HMCN1: variants seen among roughly 807,000 people sequenced by gnomAD.
HMCN1 encodes the protein hemicentin 1, also known as hemicentin-1.
Under a neutral mutation model 625.9 loss-of-function variants are expected in HMCN1, and 321 were observed. That is an observed-to-expected ratio of 0.51 (90% CI 0.47 to 0.56). The LOEUF is 0.56. Among genes scored for constraint, HMCN1 ranks in the 20% least tolerant of loss-of-function variants. The pLI is 0.00. For synonymous variants in HMCN1, 2,425 were observed against 2,417.6 expected, an observed-to-expected ratio of 1.00 and a Z score of -0.09; for missense variants, 6,588 against 6,887.3, an observed-to-expected ratio of 0.96 and a Z score of 1.54.
chr1:186,146,022 G>T lies in HMCN1; in HGVS notation c.14608+99G>T, dbSNP rs547322297. On this transcript the variant is annotated intron_variant, in intron 93 of 106. Coordinates refer to ENST00000271588, the MANE Select transcript of HMCN1 (RefSeq NM_031935.3). ...CAAAACAATGCCAACCCTGAGAGGT[G>T]GAATTAGAAAAAAAAAAAAAAGTGC... 2.5e-6 allele frequency: 3 copies of T among 1,199,760 alleles called. No homozygotes were observed. The South Asian group carries it at 4.1e-5, about 16-fold the overall frequency. The allele number at this position is 1,199,760 out of a possible 1,614,324, so 74.3% of individuals were successfully genotyped here.
chr1:185,845,906 T>C, intron 1 of HMCN1, 120 bp from the exon 2 acceptor site: 1 of 695,784 alleles, frequency 1.4e-6, no homozygotes, highest in Non-Finnish European at 2.6e-6. Context: ...TTTGGTATTT[T>C]ACTATTTCTT....
intron 1 of HMCN1, among the ~76,000 whole-genome samples, chr1:185,826,297 T>G (rs1464788734): frequency 6.6e-6 from 1 of 152,234 alleles, no homozygotes; most frequent in Non-Finnish European, 1.5e-5. Context: ...TCACCTCATC[T>G]TCGCAGAAAT....
intron 48 of HMCN1, among the ~76,000 whole-genome samples, chr1:186,063,054 G>GCATATA (rs1657820929): frequency 9.6e-6 from 1 of 103,988 alleles, no homozygotes; most frequent in Non-Finnish European, 1.8e-5. Flanking sequence ...GTGTGTGTGT[G>GCATATA]TGTGTGTGTG....
Position 186,189,982 on chromosome 1 carries a change from T to A in HMCN1, c.*104T>A. On this transcript the variant is annotated 3_prime_UTR_variant, in exon 107 of 107. Coordinates refer to ENST00000271588, the MANE Select transcript of HMCN1 (RefSeq NM_031935.3). ...TTGAACAGTTGCAATCTTGGCAGCT[T>A]GAAAATGGTGCTACACTCTGTTTTG... 7.7e-7 allele frequency: 1 copy of A among 1,300,262 alleles called. No individual in the cohort carries two copies. Among genetic ancestry groups the A allele is most frequent in the South Asian group, 1.2e-5 (1 of 84,294 alleles). 80.5% of individuals were successfully genotyped at this position (1,300,262 alleles called of 1,614,324 possible).
chr1:185,902,244 T>A (rs1665842978), intron 4 of HMCN1, among the ~76,000 whole-genome samples: 1 of 151,516 alleles, frequency 6.6e-6, no homozygotes, highest in Non-Finnish European at 1.5e-5. Context: ...TATATAAATT[T>A]TTTTTTTGTT....
intron 106 of HMCN1, among the ~76,000 whole-genome samples, chr1:186,188,349 G>A (rs531228836): frequency 6.6e-6 from 1 of 152,116 alleles, no homozygotes; most frequent in African/African-American, 2.4e-5. Context: ...CTGTTGTGTT[G>A]CCTCAGGGTG....
In HMCN1 at chr1:185,990,589, G is replaced by A. The variant is rs144189570; in HGVS notation, c.3377+146G>A. On this transcript the variant is annotated intron_variant, in intron 22 of 106. Transcript: ENST00000271588. ...ACATGTACATCTGAGTCTACAGGAA[G>A]TATTTATAACACTGAATCATGCTTC... The A allele has an allele frequency of 4.0e-5, 29 of 721,646 alleles. No individual in the cohort carries two copies. The African/African-American group carries it at 4.3e-4, about 11-fold the overall frequency. The allele number at this position is 721,646 out of a possible 1,614,324, so 44.7% of individuals were successfully genotyped here.
At chr1:186,072,688 A>G (rs1442134251) in intron 52 of HMCN1, among the ~76,000 whole-genome samples, 1 of 152,180 alleles carries the variant, frequency 6.6e-6, no homozygotes, top group Non-Finnish European at 1.5e-5. Flanking sequence ...AAGCAGACAT[A>G]AAATAATAGA....
intron 1 of HMCN1, among the ~76,000 whole-genome samples, chr1:185,790,532 G>T (rs148681775): frequency 1.3e-3 from 192 of 152,318 alleles, no homozygotes; most frequent in African/African-American, 4.4e-3. Context: ...TTGTTTAACT[G>T]CTGGGCCTCC....
chr1:186,080,293 A>C (rs560903463), intron 55 of HMCN1, among the ~76,000 whole-genome samples: 1 of 152,312 alleles, frequency 6.6e-6, no homozygotes, highest in Non-Finnish European at 1.5e-5. Context: ...TAGCATCTAC[A>C]TCAACTTGCA....
chr1:185,783,129 T>G (rs566457921), intron 1 of HMCN1, among the ~76,000 whole-genome samples: 1 of 152,368 alleles, frequency 6.6e-6, no homozygotes, highest in South Asian at 2.1e-4. Context: ...TTTTTCCAGT[T>G]CATCGAATCG....
In HMCN1 at chr1:186,115,913, C is replaced by G. The variant is rs1305024122; in HGVS notation, c.11561+499C>G. 3.3e-5 allele frequency among the ~76,000 whole-genome samples: 5 copies of G among 150,384 alleles called. No homozygotes were observed. The South Asian group carries it at 1.0e-3, about 32-fold the overall frequency. On this transcript the variant is annotated intron_variant, in intron 75 of 106. Transcript: ENST00000271588. ...ACCATAGCTCATAATATGGCAATAT[C>G]TATTTTTCAAAGGCTAAACTTTAAA...
chr1:186,059,814 T>C (rs1245673465), intron 46 of HMCN1, among the ~76,000 whole-genome samples: 1 of 152,032 alleles, frequency 6.6e-6, no homozygotes, highest in Non-Finnish European at 1.5e-5. Flanking sequence ...ATAAGTATAA[T>C]TTACTGTCAG....
intron 4 of HMCN1, among the ~76,000 whole-genome samples, chr1:185,888,939 G>A (rs1328231897): frequency 6.8e-6 from 1 of 147,760 alleles, no homozygotes; most frequent in East Asian, 1.9e-4. Context: ...TTCTACCCAT[G>A]AGCATGGAAT....
intron 1 of HMCN1, among the ~76,000 whole-genome samples, chr1:185,818,707 T>C (rs1659991503): frequency 2.0e-5 from 3 of 152,208 alleles, no homozygotes; most frequent in South Asian, 2.1e-4. Context: ...TAAAGTGATA[T>C]GTGCCCAATA....
intron 100 of HMCN1, among the ~76,000 whole-genome samples, chr1:186,170,320 G>A (rs1652144653): frequency 6.6e-6 from 1 of 152,134 alleles, no homozygotes; most frequent in African/African-American, 2.4e-5. Context: ...TCAAGTATTT[G>A]GCAGGTGGAA....
chr1:185,806,334 T>G (rs1369425187), intron 1 of HMCN1, among the ~76,000 whole-genome samples: 2 of 151,642 alleles, frequency 1.3e-5, no homozygotes, highest in African/African-American at 4.8e-5. Context: ...ATGTAGGGAG[T>G]GCTTTTCTCA....
At chr1:186,088,463 A>T (rs544047559) in intron 62 of HMCN1, 143 bp from the exon 63 acceptor site, 1 of 1,336,796 alleles carries the variant, frequency 7.5e-7, no homozygotes, top group Non-Finnish European at 1.0e-6. Context: ...TTTATAAAGA[A>T]TTTTTTCTTT....
At chr1:186,093,770 C>A (rs1296353046) in intron 66 of HMCN1, 101 bp downstream of exon 66, 12 of 1,496,814 alleles carry the variant, frequency 8.0e-6, no homozygotes, top group Non-Finnish European at 1.0e-5. Flanking sequence ...TTTTTCTAAG[C>A]CTTTACAGTT....
Sources: allele counts gnomAD v4.1 joint callset (sites outside exome capture counted in the v4.1 genomes callset), GRCh38; gene constraint gnomAD v4.1.1; transcripts MANE v1.5; gene names NCBI Gene and HGNC (gene_info 2026-07-23, HGNC 2026-07-21).